The following PMF1 variants were observed in gnomAD, a reference collection of about 807,000 sequenced individuals.
PMF1 encodes polyamine-modulated factor 1.
In PMF1, 21 loss-of-function variants were observed where a neutral mutation model predicts 26.7. The ratio of observed to expected loss-of-function variants is 0.79; its 90% CI spans 0.56 to 1.13. PMF1 has a LOEUF of 1.13. Ranked by LOEUF, PMF1 falls within the 50% of genes most tolerant of loss-of-function variation. The probability of loss-of-function intolerance (pLI) is 0.00; values close to 1 mark genes in which losing one functional copy is unlikely to be tolerated. For missense variants in PMF1, 266 were observed against 254.9 expected, an observed-to-expected ratio of 1.04 and a Z score of -0.30; for synonymous variants, 105 against 101.0, an observed-to-expected ratio of 1.04 and a Z score of -0.24.
chr1:156,230,357 A>T lies in PMF1; in HGVS notation c.162-1963A>T, dbSNP rs1475420179. ...AGATCGTTGATACACTGTTAGCCCT[A>T]TAACTCTGGCCTTTTTCTTTTAAAC... On this transcript the variant is annotated intron_variant, in intron 1 of 4. Coordinates refer to ENST00000368277, the MANE Select transcript of PMF1 (RefSeq NM_007221.4). Among the ~76,000 whole-genome samples, 8 of 152,232 alleles carry T rather than the reference A, an allele frequency of 5.3e-5. No individual in the cohort carries two copies. The East Asian group carries it at 1.5e-3, about 29-fold the overall frequency.
At chr1:156,236,608 G>A in intron 4 of PMF1, 125 bp downstream of exon 4, 1 of 1,282,506 alleles carries the variant, frequency 7.8e-7, no homozygotes, top group Non-Finnish European at 1.1e-6. Flanking sequence ...TTGCCCCCTG[G>A]GGAACAGTCA....
At chr1:156,227,102 A>G (rs1658410444) in intron 1 of PMF1, among the ~76,000 whole-genome samples, 1 of 152,180 alleles carries the variant, frequency 6.6e-6, no homozygotes, top group Non-Finnish European at 1.5e-5. Context: ...GGTTGTGGGC[A>G]CCCTGGAGAT....
chr1:156,229,197 C>T (rs999257771), intron 1 of PMF1, among the ~76,000 whole-genome samples: 1 of 152,058 alleles, frequency 6.6e-6, no homozygotes, highest in Admixed American at 6.6e-5. Context: ...CGTGAGCCAC[C>T]GCGCCTGGCC....
chr1:156,216,539 T>C (rs1657716077), intron 1 of PMF1, among the ~76,000 whole-genome samples: 1 of 152,052 alleles, frequency 6.6e-6, no homozygotes, highest in African/African-American at 2.4e-5. Context: ...CCGGCCGTGC[T>C]CCTGCTTGAG....
intron 1 of PMF1, among the ~76,000 whole-genome samples, chr1:156,213,575 C>T (rs899521541): frequency 1.3e-5 from 2 of 151,888 alleles, no homozygotes; most frequent in Non-Finnish European, 2.9e-5. Context: ...AGCGATCTTC[C>T]TGCCGCAGCT....
At chr1:156,228,288 T>TTTTTTTTTTTTTTTTTTTTTC (rs1371074585) in intron 1 of PMF1, among the ~76,000 whole-genome samples, 1 of 143,792 alleles carries the variant, frequency 7.0e-6, no homozygotes. Context: ...TTTTTTTTTT[T>TTTTTTTTTTTTTTTTTTTTTC]AGTGTATCAC....
At chr1:156,222,691 CT>C (rs1436965823) in intron 1 of PMF1, among the ~76,000 whole-genome samples, 1 of 151,468 alleles carries the variant, frequency 6.6e-6, no homozygotes, top group African/African-American at 2.4e-5. Context: ...CGAATACAGA[CT>C]TTTAAGTAGA....
chr1:156,217,251 A>G (rs984680376), intron 1 of PMF1, among the ~76,000 whole-genome samples: 2 of 151,876 alleles, frequency 1.3e-5, no homozygotes, highest in Admixed American at 1.3e-4. Context: ...AAAAAGAAAA[A>G]AAAAAAAGGA....
chr1:156,225,589 G>A, intron 1 of PMF1: 1 of 1,559,022 alleles, frequency 6.4e-7, no homozygotes, highest in Non-Finnish European at 8.7e-7. Flanking sequence ...GGAAGTGCTG[G>A]TCCCCGCCTG....
chr1:156,213,067 C>T lies in PMF1; in HGVS notation c.52C>T (p.His18Tyr), dbSNP rs1657461859. 1 of 1,614,102 alleles carries T rather than the reference C, an allele frequency of 6.2e-7. No homozygotes were observed. Among genetic ancestry groups the T allele is most frequent in the South Asian group, 1.1e-5 (1 of 91,096 alleles). The change falls in exon 1 of 5, where the codon CAT becomes TAT. Residue 18 changes from histidine (H) to tyrosine (Y), a missense_variant. By Grantham distance (83) the His-to-Tyr change is moderately conservative (BLOSUM62 2). Transcript: ENST00000368277. ...NLGSGCEEKRHEGSSSESVPP... is the reference protein window; with the variant it reads ...NLGSGCEEKRYEGSSSESVPP... ...AGGCAGCGGCTGTGAGGAAAAAAGG[C>T]ATGAGGGGTCGTCTTCGGAATCTGT...
intron 1 of PMF1, among the ~76,000 whole-genome samples, chr1:156,226,180 T>A (rs2248080): frequency 0.3 from 45,978 of 152,034 alleles, 7,171 homozygotes; most frequent in Non-Finnish European, 0.34. Context: ...ATTTTAAAAA[T>A]TTTTTTGTGA....
rs772709878 is a variant in PMF1 at position 156,228,256 on chromosome 1, A to ATTTTTTTTTTTTT, written c.162-4044_162-4032dup. Among the ~76,000 whole-genome samples, 5 of 33,566 alleles carry ATTTTTTTTTTTTT rather than the reference A, an allele frequency of 1.5e-4. 1 individual carries two copies. Among genetic ancestry groups the ATTTTTTTTTTTTT allele is most frequent in the East Asian group, 1.8e-3 (2 of 1,124 alleles). 22.0% of individuals were successfully genotyped at this position (33,566 alleles called of 152,430 possible). On this transcript the variant is annotated intron_variant, in intron 1 of 4. Transcript: ENST00000368277. Reference sequence around the variant, plus strand: ...CAGGCGTGAGCCACCGCACCTGGCGATTTTTTTTTTTTTTTTTTTTTTTTT... The same window carrying ATTTTTTTTTTTTT: ...CAGGCGTGAGCCACCGCACCTGGCGATTTTTTTTTTTTTTTTTTTTTTTTTTTTTTTTTTTTTT...
chr1:156,235,324 A>G (rs1658943367), intron 3 of PMF1, among the ~76,000 whole-genome samples: 1 of 151,032 alleles, frequency 6.6e-6, no homozygotes, highest in Admixed American at 6.6e-5. Context: ...GGGTTTCACC[A>G]TGTTGGCCAG....
At chr1:156,220,349 C>T (rs1037883004) in intron 1 of PMF1, among the ~76,000 whole-genome samples, 2 of 152,126 alleles carry the variant, frequency 1.3e-5, no homozygotes, top group African/African-American at 2.4e-5. Context: ...CAGGCATGCA[C>T]CACCTCACCT....
chr1:156,237,478 A>C (rs1572508328), intron 4 of PMF1, among the ~76,000 whole-genome samples: 7 of 120,292 alleles, frequency 5.8e-5, no homozygotes, highest in East Asian at 2.4e-4. Context: ...ACAGAGTCTC[A>C]CTCTGTTGCC....
Position 156,233,638 on chromosome 1 carries a change from C to T in PMF1, c.278C>T (p.Ser93Phe). 6.2e-7 allele frequency: 1 copy of T among 1,613,934 alleles called. No homozygotes were observed. The highest frequency in any genetic ancestry group is 8.5e-7 in the Non-Finnish European group (1 of 1,179,918). Reference sequence around the variant, plus strand: ...CTCCTTTCTCTTCAGGAGGAAATCTCTGACATCAAAGAGGAGGGGAACCTA... The same window carrying T: ...CTCCTTTCTCTTCAGGAGGAAATCTTTGACATCAAAGAGGAGGGGAACCTA... ...QLQTSIREEISDIKEEGNLEA... is the reference protein window; with the variant it reads ...QLQTSIREEIFDIKEEGNLEA... The change falls in exon 3 of 5, where the codon TCT (serine) becomes TTT (phenylalanine). Residue 93 changes from serine (S) to phenylalanine (F), a missense_variant. Ser to Phe is a radical substitution (Grantham distance 155, BLOSUM62 -2). Coordinates refer to ENST00000368277, the MANE Select transcript of PMF1 (RefSeq NM_007221.4).
chr1:156,232,129 G>A (rs2758606), intron 1 of PMF1, among the ~76,000 whole-genome samples, 191 bp from the exon 2 acceptor site: 13,134 of 152,196 alleles, frequency 0.086, 755 homozygotes, highest in African/African-American at 0.16. Context: ...GATGCTGATG[G>A]GGCATTGATG....
chr1:156,217,880 A>G (rs1179184012), intron 1 of PMF1, among the ~76,000 whole-genome samples: 2 of 152,228 alleles, frequency 1.3e-5, no homozygotes, highest in African/African-American at 4.8e-5. Context: ...CAGGGTGAAT[A>G]TCCTTGTACA....
chr1:156,216,850 G>A (rs1241735694), intron 1 of PMF1, among the ~76,000 whole-genome samples: 5 of 152,072 alleles, frequency 3.3e-5, no homozygotes, highest in South Asian at 2.1e-4. Context: ...GCCCGCCTCC[G>A]CTCCCGGGGG....
Sources: gnomAD v4.1 joint callset for allele counts (sites outside exome capture counted in the v4.1 genomes callset) on GRCh38, gnomAD v4.1.1 for gene constraint, MANE v1.5 for transcripts, NCBI Gene and HGNC (gene_info 2026-07-23, HGNC 2026-07-21) for gene names.